C20orf96: variants seen among roughly 807,000 people sequenced by gnomAD.
C20orf96 encodes uncharacterized protein C20orf96.
Under a neutral mutation model 52.6 loss-of-function variants are expected in C20orf96, and 57 were observed. The observed-to-expected ratio is 1.08, with a 90% CI of 0.88 to 1.35. C20orf96 has a LOEUF of 1.35. Ranked by LOEUF, C20orf96 falls within the 40% of genes most tolerant of loss-of-function variation. The pLI is 0.00. For missense variants in C20orf96, 478 were observed against 443.6 expected, an observed-to-expected ratio of 1.08 and a Z score of -0.70; for synonymous variants, 168 against 157.2, an observed-to-expected ratio of 1.07 and a Z score of -0.51.
chr20:290,233 C>G (rs1211812963), intron 2 of C20orf96, 26 bp downstream of exon 2: 1 of 1,588,278 alleles, frequency 6.3e-7, no homozygotes, highest in African/African-American at 1.3e-5. Context: ...AGCCTCCCAC[C>G]CCAGCCCTAG....
chr20:278,775 C>G (rs1028669668), intron 5 of C20orf96, among the ~76,000 whole-genome samples: 1 of 147,184 alleles, frequency 6.8e-6, no homozygotes, highest in African/African-American at 2.5e-5. Context: ...AAAAGTCTCC[C>G]GGCCAGTGAG....
chr20:277,438 C>A (rs1008760578), intron 6 of C20orf96, 55 bp from the exon 7 acceptor site: 40 of 1,593,700 alleles, frequency 2.5e-5, no homozygotes, highest in Non-Finnish European at 3.4e-5. Context: ...TTCCCTCAAG[C>A]ACCTGGGCCC....
intron 4 of C20orf96, among the ~76,000 whole-genome samples, chr20:283,132 C>G (rs1321352214): frequency 1.3e-5 from 2 of 152,038 alleles, no homozygotes; most frequent in African/African-American, 4.8e-5. Context: ...AAGGACTTGT[C>G]TTCCTTTAGG....
At chr20:290,508 A>G in intron 1 of C20orf96, 83 bp downstream of exon 1, 10 of 1,568,190 alleles carry the variant, frequency 6.4e-6, no homozygotes, top group Non-Finnish European at 7.8e-6. Flanking sequence ...CCTCGAGGCG[A>G]GGGCGGGACA....
chr20:286,584 G>GAAAAGGAAAAGA lies in C20orf96; in HGVS notation c.188-2515_188-2504dup, dbSNP rs559488344. 2.1e-3 allele frequency among the ~76,000 whole-genome samples: 313 copies of GAAAAGGAAAAGA among 149,038 alleles called. 2 individuals carry two copies. The highest frequency in any genetic ancestry group is 2.8e-3 in the Non-Finnish European group (186 of 67,588). ...GAGGGGAGGGGAAGGGAGGGGAGAG[G>GAAAAGGAAAAGA]AAAAGGAAAAGAAAAAGAAAAAGAA... On this transcript the variant is annotated intron_variant, in intron 3 of 10. Coordinates refer to ENST00000360321, the MANE Select transcript of C20orf96 (RefSeq NM_153269.3).
chr20:276,144 G>A, intron 9 of C20orf96, 58 bp from the exon 10 acceptor site: 1 of 1,609,208 alleles, frequency 6.2e-7, no homozygotes. Context: ...CAACCAAAGG[G>A]AGAAAGGCCA....
chr20:283,648 C>T (rs1371363415), intron 4 of C20orf96, among the ~76,000 whole-genome samples: 2 of 151,954 alleles, frequency 1.3e-5, no homozygotes, highest in African/African-American at 2.4e-5. Flanking sequence ...AGATCGTGTT[C>T]CTAATGCAAC....
rs770469688 is a variant in C20orf96 at position 278,366 on chromosome 20, G to A, written c.529C>T (p.Gln177Ter). 1 of 1,613,968 alleles carries A rather than the reference G, an allele frequency of 6.2e-7. No homozygotes were observed. Among genetic ancestry groups the A allele is most frequent in the South Asian group, 1.1e-5 (1 of 91,082 alleles). Residue 177 changes from glutamine (Q) to a stop codon, truncating the protein, a stop_gained, in exon 6 of 11, where the codon CAG becomes TAG. Transcript: ENST00000360321. LOFTEE classifies it high-confidence loss of function. ...KRLQQLKSEL[Q>*]EWEEKKKCKM... Reference sequence around the variant, plus strand: ...CATTTCTTCTTTTCTTCCCACTCCTGAAGCTCAGATTTCAATTGCTGCAGC... The same window carrying A: ...CATTTCTTCTTTTCTTCCCACTCCTAAAGCTCAGATTTCAATTGCTGCAGC...
intron 3 of C20orf96, 33 bp downstream of exon 3, chr20:289,526 C>T: frequency 6.9e-7 from 1 of 1,454,150 alleles, no homozygotes; most frequent in Non-Finnish European, 9.7e-7. Flanking sequence ...CTGTCTCCAA[C>T]CCCCACACCA....
In C20orf96 at chr20:273,346, G is replaced by A. The variant is rs566358366; in HGVS notation, c.1032-2079C>T. 8.5e-5 allele frequency among the ~76,000 whole-genome samples: 13 copies of A among 152,290 alleles called. No individual in the cohort carries two copies. The South Asian group carries it at 2.7e-3, about 32-fold the overall frequency. On this transcript the variant is annotated intron_variant, in intron 10 of 10. Coordinates refer to ENST00000360321, the MANE Select transcript of C20orf96 (RefSeq NM_153269.3). ...ATGTGGCTTAAGATCCTTTGCTTCT[G>A]GGATCAGGCAGAACATCTGGGCCTA... is the stretch of plus-strand genomic sequence containing the variant.
At chr20:277,174 C>T (rs931398454) in intron 7 of C20orf96, 29 bp from the exon 8 acceptor site, 1 of 1,613,448 alleles carries the variant, frequency 6.2e-7, no homozygotes, top group African/African-American at 1.3e-5. Flanking sequence ...GTGTTGGTCA[C>T]CAGTCCTGCC....
chr20:279,335 G>T lies in C20orf96; in HGVS notation c.307-5C>A, dbSNP rs757884743. 1 of 1,601,280 alleles carries T rather than the reference G, an allele frequency of 6.2e-7. No homozygotes were observed. Among genetic ancestry groups the T allele is most frequent in the Non-Finnish European group, 8.5e-7 (1 of 1,178,590 alleles). On this transcript the variant is annotated splice_polypyrimidine_tract_variant and splice_region_variant and intron_variant, in intron 4 of 10. Transcript: ENST00000360321. ...CCTCCCGCTCCTGAGCGAGGTCTGCGGGCGGAGGGAAGAGCAGAGAGGCGG... is the reference window on the plus strand; with the variant it reads ...CCTCCCGCTCCTGAGCGAGGTCTGCTGGCGGAGGGAAGAGCAGAGAGGCGG...
At chr20:282,723 T>A (rs2012283364) in intron 4 of C20orf96, among the ~76,000 whole-genome samples, 1 of 151,880 alleles carries the variant, frequency 6.6e-6, no homozygotes, top group African/African-American at 2.4e-5. Flanking sequence ...ATACAAAAAA[T>A]TAGCTGGGCG....
intron 3 of C20orf96, among the ~76,000 whole-genome samples, chr20:285,553 A>G (rs2012361312): frequency 6.6e-6 from 1 of 152,186 alleles, no homozygotes; most frequent in Non-Finnish European, 1.5e-5. Flanking sequence ...TTCTAATTTT[A>G]AAAGTGTAAG....
At chr20:289,203 C>CCA (rs2012472762) in intron 3 of C20orf96, among the ~76,000 whole-genome samples, 1 of 150,958 alleles carries the variant, frequency 6.6e-6, no homozygotes. Context: ...TGGACCCCCC[C>CCA]CAAAAAAAAT....
At chr20:281,537 C>A (rs1243798081) in intron 4 of C20orf96, among the ~76,000 whole-genome samples, 1 of 152,210 alleles carries the variant, frequency 6.6e-6, no homozygotes, top group Non-Finnish European at 1.5e-5. Flanking sequence ...GCCCTCAGCT[C>A]CTTTATTTCT....
chr20:274,137 G>A (rs1044824472), intron 10 of C20orf96, among the ~76,000 whole-genome samples: 2 of 152,060 alleles, frequency 1.3e-5, no homozygotes, highest in Non-Finnish European at 2.9e-5. Context: ...ATCTCCAGGT[G>A]TTTCCTGGGC....
Position 271,056 on chromosome 20 carries a change from A to T in C20orf96, c.*151T>A. ...GAAGGGGGGAAGAAGGGAGGGAGGGAGGGAGGGAAAGAAAGAGGGAGGAAG... is the reference window on the plus strand; with the variant it reads ...GAAGGGGGGAAGAAGGGAGGGAGGGTGGGAGGGAAAGAAAGAGGGAGGAAG... On this transcript the variant is annotated 3_prime_UTR_variant, in exon 11 of 11. Transcript: ENST00000360321. 1 of 449,308 alleles carries T rather than the reference A, an allele frequency of 2.2e-6. No individual in the cohort carries two copies. Among genetic ancestry groups the T allele is most frequent in the Non-Finnish European group, 3.8e-6 (1 of 263,840 alleles). 27.8% of individuals were successfully genotyped at this position (449,308 alleles called of 1,614,324 possible). A position where few individuals can be genotyped will look rare whatever the true frequency, so the allele number is the denominator to read the frequency against.
Position 276,010 on chromosome 20 carries a change from G to T in C20orf96, c.989C>A (p.Pro330His), listed in dbSNP as rs756250702. 1.1e-5 allele frequency: 18 copies of T among 1,614,034 alleles called. 1 individual carries two copies. The Middle Eastern group carries it at 4.9e-4, about 44-fold the overall frequency. Residue 330 changes from proline to histidine, a missense_variant, in exon 10 of 11, where the codon CCC becomes CAC. Transcript: ENST00000360321. ...AACATCCTCAAATATGACCTCTCGG[G>T]GTTCCCGGGTCTGGGCTTGGAGCTC... ...VEELQAQTREPREVIFEDVLL... is the reference protein window; with the variant it reads ...VEELQAQTREHREVIFEDVLL...
Sources: gnomAD v4.1 joint callset for allele counts (sites outside exome capture counted in the v4.1 genomes callset) on GRCh38, gnomAD v4.1.1 for gene constraint, MANE v1.5 for transcripts, NCBI Gene and HGNC (gene_info 2026-07-23, HGNC 2026-07-21) for gene names.